CALR: variants seen among roughly 807,000 people sequenced by gnomAD.
CALR encodes the protein CRP55.
Under a neutral mutation model 51.1 loss-of-function variants are expected in CALR, and 15 were observed. The ratio of observed to expected loss-of-function variants is 0.29; its 90% CI spans 0.20 to 0.45. CALR has a LOEUF of 0.45. Among genes scored for constraint, CALR ranks in the 20% least tolerant of loss-of-function variants. CALR has a pLI of 1.00. For synonymous variants in CALR, 239 were observed against 205.9 expected, an observed-to-expected ratio of 1.16 and a Z score of -1.38; for missense variants, 477 against 530.6, an observed-to-expected ratio of 0.90 and a Z score of 0.99.
chr19:12,939,005 A>G, intron 1 of CALR, 129 bp from the exon 2 acceptor site: 1 of 729,628 alleles, frequency 1.4e-6, no homozygotes, highest in Non-Finnish European at 2.5e-6. Context: ...GTGTCAAACT[A>G]GAGGTTGGAA....
chr19:12,941,251 C>T (rs553474748), intron 7 of CALR, among the ~76,000 whole-genome samples: 5 of 152,206 alleles, frequency 3.3e-5, no homozygotes, highest in South Asian at 2.1e-4. Flanking sequence ...AGTTACACAA[C>T]TCAACCTAGC....
At chr19:12,939,383 C>T (rs1478904893) in intron 2 of CALR, 45 bp from the exon 3 acceptor site, 1 of 1,589,502 alleles carries the variant, frequency 6.3e-7, no homozygotes, top group Admixed American at 1.7e-5. Context: ...CGAGGGTCCT[C>T]GCGAGTCAAG....
chr19:12,942,345 A>G (rs746012844), intron 7 of CALR, among the ~76,000 whole-genome samples: 56 of 149,196 alleles, frequency 3.8e-4, no homozygotes, highest in Non-Finnish European at 5.6e-4. Context: ...CCTGGGTGAT[A>G]GCGAGACTCT....
chr19:12,944,478 AT>A lies in CALR; in HGVS notation c.*569del, dbSNP rs1260116336. On this transcript the variant is annotated 3_prime_UTR_variant, in exon 9 of 9. Transcript: ENST00000316448. ...ACAAACAAAATTTCTATTAAATTAAATTTTGTGTCTCCCTCCTGTGTCTCCT... is the reference window on the plus strand; with the variant it reads ...ACAAACAAAATTTCTATTAAATTAAATTTGTGTCTCCCTCCTGTGTCTCCT... 1 of 161,788 alleles carries A rather than the reference AT, an allele frequency of 6.2e-6. No homozygotes were observed. The highest frequency in any genetic ancestry group is 1.3e-5 in the Non-Finnish European group (1 of 76,886). The allele number at this position is 161,788 out of a possible 1,614,324, so 10.0% of individuals were successfully genotyped here. A position where few individuals can be genotyped will look rare whatever the true frequency, so the allele number is the denominator to read the frequency against.
chr19:12,943,209 C>T (rs919009578), intron 7 of CALR: 1 of 354,540 alleles, frequency 2.8e-6, no homozygotes, highest in Admixed American at 3.9e-5. Context: ...CTCAGCCTCC[C>T]AAATAGCTGG....
Position 12,944,112 on chromosome 19 carries a change from TG to T in CALR, c.*201del. 1 of 731,486 alleles carries T rather than the reference TG, an allele frequency of 1.4e-6. No homozygotes were observed. The highest frequency in any genetic ancestry group is 2.1e-6 in the Non-Finnish European group (1 of 476,394). 45.3% of individuals were successfully genotyped at this position (731,486 alleles called of 1,614,324 possible). On this transcript the variant is annotated 3_prime_UTR_variant, in exon 9 of 9. Transcript: ENST00000316448. ...CCCTTTTTTTTTTTTTTTTTTAAAC[TG>T]GTATTTTATCTTTGATTCTCCTTCA...
At chr19:12,942,250 C>CT (rs1364161962) in intron 7 of CALR, among the ~76,000 whole-genome samples, 1 of 151,392 alleles carries the variant, frequency 6.6e-6, no homozygotes, top group Non-Finnish European at 1.5e-5. Context: ...GTAGTCCCAG[C>CT]TACTCGGGAG....
rs201344231 is a variant in CALR, at chr19:12,940,272, G to T, written c.522G>T (p.Leu174=). The T allele has an allele frequency of 9.9e-6, 16 of 1,614,230 alleles. No homozygotes were observed. In the African/African-American group the frequency reaches 1.9e-4, roughly 19 times the overall value. ...KDDEFTHLYT[L]IVRPDNTYEV... is the part of the protein sequence containing the mutation. ...ATGAGTTTACACACCTGTACACACTGATTGTGCGGCCAGACAACACCTATG... is the reference window on the plus strand; with the variant it reads ...ATGAGTTTACACACCTGTACACACTTATTGTGCGGCCAGACAACACCTATG... The change falls in exon 5 of 9, where the codon CTG becomes CTT. Residue 174 remains leucine (L), a synonymous_variant. Coordinates refer to ENST00000316448, the MANE Select transcript of CALR (RefSeq NM_004343.4).
At chr19:12,938,807 C>G in intron 1 of CALR, 37 bp downstream of exon 1, 1 of 1,460,654 alleles carries the variant, frequency 6.8e-7, no homozygotes, top group Non-Finnish European at 9.5e-7. Flanking sequence ...GCCCCGACGA[C>G]GCGGCCGGCC....
chr19:12,940,987 T>C (rs973408164), intron 7 of CALR, 100 bp downstream of exon 7: 1 of 1,115,494 alleles, frequency 9.0e-7, no homozygotes, highest in African/African-American at 1.5e-5. Context: ...TGAGTCTGAC[T>C]CAAAAATGGT....
In CALR at chr19:12,940,588, C is replaced by G. The variant is rs144562269; in HGVS notation, c.750C>G (p.Pro250=). 9.1e-4 allele frequency: 1,470 copies of G among 1,614,100 alleles called. 3 individuals carry two copies. Among genetic ancestry groups the G allele is most frequent in the Non-Finnish European group, 1.1e-3 (1,274 of 1,180,016 alleles). Residue 250 remains proline (P), a synonymous_variant, in exon 6 of 9, where the codon CCC becomes CCG. Transcript: ENST00000316448. ...TCCCTGACCCTGATGCTAAGAAGCC[C>G]GAGGACTGGGATGAAGAGATGGACG... ...EHIPDPDAKK[P]EDWDEEMDGE...
At position 12,940,594 on chromosome 19, in the gene CALR, C is replaced by T. The variant is rs1419424457; in HGVS notation, c.756C>T (p.Asp252=). The change falls in exon 6 of 9, where the codon GAC becomes GAT. Residue 252 remains aspartate, a synonymous_variant. Coordinates refer to ENST00000316448, the MANE Select transcript of CALR (RefSeq NM_004343.4). ...ACCCTGATGCTAAGAAGCCCGAGGA[C>T]TGGGATGAAGAGATGGACGGAGAGT... ...IPDPDAKKPE[D]WDEEMDGEWE... 38 of 1,614,072 alleles carry T rather than the reference C, an allele frequency of 2.4e-5. No homozygotes were observed. The highest frequency in any genetic ancestry group is 3.1e-5 in the Non-Finnish European group (37 of 1,180,050).
At chr19:12,943,493 C>T in intron 7 of CALR, 44 bp from the exon 8 acceptor site, 1 of 1,556,106 alleles carries the variant, frequency 6.4e-7, no homozygotes, top group Non-Finnish European at 8.9e-7. Flanking sequence ...AAAGCAAGGG[C>T]TATCGGGTAT....
chr19:12,941,351 A>G (rs1027637029), intron 7 of CALR, among the ~76,000 whole-genome samples: 2 of 152,052 alleles, frequency 1.3e-5, no homozygotes, highest in African/African-American at 4.8e-5. Flanking sequence ...GCTGGAGTGC[A>G]ATGGCACGAT....
chr19:12,939,593 C>G lies in CALR; in HGVS notation c.359C>G (p.Thr120Arg). The change falls in exon 3 of 9, where the codon ACA becomes AGA. Residue 120 changes from threonine to arginine, a missense_variant. Transcript: ENST00000316448. The part of the protein sequence containing the change: ...VKLFPNSLDQ[T>R]DMHGDSEYNI... The stretch of plus-strand genomic sequence containing the variant: ...CTGTTTCCTAATAGTTTGGACCAGA[C>G]AGACATGCACGGAGACTCAGAATAC... 1.2e-6 allele frequency: 2 copies of G among 1,614,096 alleles called. No individual in the cohort carries two copies. Among genetic ancestry groups the G allele is most frequent in the Non-Finnish European group, 8.5e-7 (1 of 1,179,984 alleles).
Position 12,943,987 on chromosome 19 carries a change from C to A in CALR, c.*74C>A. 6.3e-7 allele frequency: 1 copy of A among 1,584,048 alleles called. No individual in the cohort carries two copies. Among genetic ancestry groups the A allele is most frequent in the Non-Finnish European group, 8.6e-7 (1 of 1,165,150 alleles). The stretch of plus-strand genomic sequence containing the variant: ...GAGCTGGCCGCGCCAAATAATGTCT[C>A]TGTGAGACTCGAGAACTTTCATTTT... On this transcript the variant is annotated 3_prime_UTR_variant, in exon 9 of 9. Transcript: ENST00000316448.
chr19:12,943,515 A>G (rs1426933554), intron 7 of CALR, 22 bp from the exon 8 acceptor site: 2 of 1,609,122 alleles, frequency 1.2e-6, no homozygotes, highest in East Asian at 2.2e-5. Flanking sequence ...ACCTCTGACC[A>G]TCCTTCCCAT....
intron 7 of CALR, among the ~76,000 whole-genome samples, chr19:12,942,823 G>A (rs977267134): frequency 3.3e-5 from 5 of 150,930 alleles, no homozygotes; most frequent in Admixed American, 6.6e-5. Flanking sequence ...ATGCAATCTC[G>A]GCGGCTCACC....
chr19:12,943,378 CCT>C (rs902850933), intron 7 of CALR, 157 bp from the exon 8 acceptor site: 1 of 717,816 alleles, frequency 1.4e-6, no homozygotes, highest in East Asian at 2.7e-5. Context: ...CCTCACCTGG[CCT>C]CTCCATCTTT....
Sources: allele counts gnomAD v4.1 joint callset (sites outside exome capture counted in the v4.1 genomes callset), GRCh38; gene constraint gnomAD v4.1.1; transcripts MANE v1.5; gene names NCBI Gene and HGNC (gene_info 2026-07-23, HGNC 2026-07-21).